HSF5: variants seen among roughly 807,000 people sequenced by gnomAD.
The protein encoded by HSF5 is heat shock transcription factor 5.
In HSF5, 5 loss-of-function variants were observed where a neutral mutation model predicts 50.8. The observed-to-expected ratio is 0.10, with a 90% CI of 0.05 to 0.21. The LOEUF is 0.21. HSF5 is among the 10% of genes least tolerant of loss of function. HSF5 has a pLI of 1.00. For synonymous variants in HSF5, 307 were observed against 307.4 expected, an observed-to-expected ratio of 1.00 and a Z score of 0.02; for missense variants, 564 against 762.6, an observed-to-expected ratio of 0.74 and a Z score of 3.07.
At chr17:58,452,623 A>T (rs1974656190) in intron 5 of HSF5, among the ~76,000 whole-genome samples, 1 of 152,236 alleles carries the variant, frequency 6.6e-6, no homozygotes, top group Non-Finnish European at 1.5e-5. Context: ...CAGCCTAGGC[A>T]ACATAGCAAG....
intron 1 of HSF5, among the ~76,000 whole-genome samples, chr17:58,486,558 A>G (rs1463516658): frequency 6.6e-6 from 1 of 152,234 alleles, no homozygotes; most frequent in East Asian, 1.9e-4. Flanking sequence ...GCTGTAAAGA[A>G]AACCATCTTT....
intron 1 of HSF5, among the ~76,000 whole-genome samples, chr17:58,483,580 A>C (rs1347860074): frequency 6.6e-6 from 1 of 152,216 alleles, no homozygotes. Flanking sequence ...AGTGCGTCTG[A>C]ATTAATCAAT....
At chr17:58,472,031 A>AT (rs966692599) in intron 2 of HSF5, among the ~76,000 whole-genome samples, 2 of 150,404 alleles carry the variant, frequency 1.3e-5, no homozygotes, top group East Asian at 4.0e-4. Context: ...TTTTTTTTGG[A>AT]TTTTTAGTAG....
Position 58,478,937 on chromosome 17 carries a change from A to G in HSF5, c.925+956T>C, listed in dbSNP as rs576377935. Among the ~76,000 whole-genome samples the G allele has an allele frequency of 3.6e-4, 55 of 151,938 alleles. 2 individuals carry two copies. The Middle Eastern group carries it at 0.017, about 47-fold the overall frequency. ...TTTTTTTTTTCCCCAAGAAGCAAAAAACAGATGATAACTATCATAAGCGTT... is the reference window on the plus strand; with the variant it reads ...TTTTTTTTTTCCCCAAGAAGCAAAAGACAGATGATAACTATCATAAGCGTT... On this transcript the variant is annotated intron_variant, in intron 2 of 5. Transcript: ENST00000323777.
At chr17:58,430,522 G>A (rs1974349668) in intron 5 of HSF5, among the ~76,000 whole-genome samples, 1 of 152,178 alleles carries the variant, frequency 6.6e-6, no homozygotes, top group African/African-American at 2.4e-5. Flanking sequence ...ATGGAGAAAA[G>A]GCAAGTGTGT....
intron 5 of HSF5, among the ~76,000 whole-genome samples, chr17:58,427,145 T>C (rs930861756): frequency 1.3e-5 from 2 of 152,236 alleles, no homozygotes; most frequent in East Asian, 1.9e-4. Context: ...CATGTGGCTA[T>C]AGTCCCAGCT....
intron 2 of HSF5, among the ~76,000 whole-genome samples, chr17:58,477,464 T>C (rs867934775): frequency 0.21 from 1,542 of 7,416 alleles, 25 homozygotes; most frequent in African/African-American, 0.47. Context: ...CCATTCCCCT[T>C]TTTTTTTTTT....
intron 2 of HSF5, among the ~76,000 whole-genome samples, chr17:58,475,079 C>T (rs952157147): frequency 6.6e-6 from 1 of 152,052 alleles, no homozygotes; most frequent in Non-Finnish European, 1.5e-5. Flanking sequence ...TTTTCAACGC[C>T]ATTCACCAAA....
At chr17:58,435,950 T>C (rs551548713) in intron 5 of HSF5, among the ~76,000 whole-genome samples, 26 of 151,526 alleles carry the variant, frequency 1.7e-4, no homozygotes, top group African/African-American at 6.3e-4. Flanking sequence ...TAAAATTCTA[T>C]TGCTACTATG....
At chr17:58,439,197 T>G (rs1306483138) in intron 5 of HSF5, among the ~76,000 whole-genome samples, 4 of 151,316 alleles carry the variant, frequency 2.6e-5, no homozygotes, top group Non-Finnish European at 4.4e-5. Flanking sequence ...AGCCCAACAG[T>G]TGACAAATCT....
At chr17:58,434,070 C>G (rs1050343626) in intron 5 of HSF5, among the ~76,000 whole-genome samples, 1 of 151,628 alleles carries the variant, frequency 6.6e-6, no homozygotes, top group Non-Finnish European at 1.5e-5. Flanking sequence ...CATGCCACCC[C>G]GCCTGGTTAA....
intron 5 of HSF5, among the ~76,000 whole-genome samples, chr17:58,455,458 A>G (rs1175928427): frequency 6.6e-6 from 1 of 152,194 alleles, no homozygotes; most frequent in Non-Finnish European, 1.5e-5. Context: ...ACAGGCAACA[A>G]AAACAAAAAT....
intron 1 of HSF5, among the ~76,000 whole-genome samples, chr17:58,486,661 G>T (rs148387541): frequency 6.6e-6 from 1 of 152,222 alleles, no homozygotes; most frequent in East Asian, 1.9e-4. Context: ...ATTCTACATA[G>T]GAACTATATC....
chr17:58,484,944 G>C (rs1471489194), intron 1 of HSF5, among the ~76,000 whole-genome samples: 2 of 109,974 alleles, frequency 1.8e-5, no homozygotes, highest in East Asian at 5.9e-4. Flanking sequence ...AAATAACCCA[G>C]ATTTTTTTTT....
At chr17:58,467,007 C>T (rs760772934) in intron 2 of HSF5, 28 bp from the exon 3 acceptor site, 7 of 1,416,464 alleles carry the variant, frequency 4.9e-6, no homozygotes, top group Non-Finnish European at 7.0e-6. Flanking sequence ...ACAGAAAAGC[C>T]ATCAACCACA....
At position 58,420,559 on chromosome 17, in the gene HSF5, T is replaced by A. The variant is rs373191937; in HGVS notation, c.*1801A>T. Reference sequence around the variant, plus strand: ...AACATCTATAAAGCTAAGAAAGCCATATTTAGGGGAAAATCTACACAGTAT... The same window carrying A: ...AACATCTATAAAGCTAAGAAAGCCAAATTTAGGGGAAAATCTACACAGTAT... On this transcript the variant is annotated 3_prime_UTR_variant, in exon 6 of 6. Transcript: ENST00000323777. 1.3e-5 allele frequency: 2 copies of A among 150,982 alleles called. No individual in the cohort carries two copies. The highest frequency in any genetic ancestry group is 2.0e-4 in the East Asian group (1 of 5,098). 9.4% of individuals were successfully genotyped at this position (150,982 alleles called of 1,614,324 possible). A position where few individuals can be genotyped will look rare whatever the true frequency, so the allele number is the denominator to read the frequency against.
intron 5 of HSF5, among the ~76,000 whole-genome samples, chr17:58,448,591 T>C (rs1354577487): frequency 6.6e-6 from 1 of 152,008 alleles, no homozygotes; most frequent in Non-Finnish European, 1.5e-5. Flanking sequence ...ATTCTGAGTG[T>C]TGAAGGAAAA....
intron 5 of HSF5, among the ~76,000 whole-genome samples, chr17:58,450,809 C>A (rs1405631376): frequency 6.6e-6 from 1 of 151,306 alleles, no homozygotes; most frequent in Non-Finnish European, 1.5e-5. Flanking sequence ...ATAAAGGAGG[C>A]CAGGCACAGT....
intron 5 of HSF5, among the ~76,000 whole-genome samples, chr17:58,457,025 G>A (rs367788116): frequency 1.1e-4 from 16 of 150,204 alleles, no homozygotes; most frequent in African/African-American, 3.7e-4. Flanking sequence ...GTGGGAGGCC[G>A]AGGCAGGCAG....
Sources: gnomAD v4.1 joint callset for allele counts (sites outside exome capture counted in the v4.1 genomes callset) on GRCh38, gnomAD v4.1.1 for gene constraint, MANE v1.5 for transcripts, NCBI Gene and HGNC (gene_info 2026-07-23, HGNC 2026-07-21) for gene names.